The following GAK variants were observed in gnomAD, a reference collection of about 807,000 sequenced individuals.
GAK encodes cyclin-G-associated kinase.
GAK carries 79 observed loss-of-function variants against 143.9 expected under a neutral mutation model. The observed-to-expected ratio is 0.55, with a 90% CI of 0.46 to 0.66. The LOEUF (loss-of-function observed/expected upper bound fraction) is 0.66, where lower values mean the gene tolerates loss of function less well. Among genes scored for constraint, GAK ranks in the 30% least tolerant of loss-of-function variants. The probability of loss-of-function intolerance (pLI) is 0.00; values close to 1 mark genes in which losing one functional copy is unlikely to be tolerated. For synonymous variants in GAK, 881 were observed against 765.5 expected (o/e 1.15, Z -2.49); for missense variants, 1,693 against 1,779.7 (o/e 0.95, Z 0.88).
At chr4:859,070 G>T in intron 24 of GAK, 1 of 705,170 alleles carries the variant, frequency 1.4e-6, no homozygotes, top group Non-Finnish European at 1.7e-6. Flanking sequence ...CATCTTGGGA[G>T]TGAACCCAGA....
chr4:861,633 A>T (rs887213903), intron 23 of GAK, among the ~76,000 whole-genome samples: 7 of 152,238 alleles, frequency 4.6e-5, no homozygotes, highest in Non-Finnish European at 7.3e-5. Context: ...GGCCTCTTGC[A>T]CCAGCAAGCC....
chr4:894,246 G>T, intron 7 of GAK: 1 of 343,162 alleles, frequency 2.9e-6, no homozygotes, highest in Non-Finnish European at 5.0e-6. Context: ...TGACACCCGG[G>T]CCGCGGGGAG....
intron 18 of GAK, among the ~76,000 whole-genome samples, chr4:871,205 A>G (rs1712539786): frequency 6.6e-6 from 1 of 152,236 alleles, no homozygotes; most frequent in Admixed American, 6.5e-5. Context: ...GCAGAGGGGC[A>G]CCGGGCGGGG....
At chr4:906,702 GCCA>G (rs1052422136) in intron 4 of GAK, among the ~76,000 whole-genome samples, 7 of 152,104 alleles carry the variant, frequency 4.6e-5, no homozygotes, top group African/African-American at 1.7e-4. Context: ...CTACAGAGCA[GCCA>G]CCGTCACCCT....
chr4:898,961 T>G (rs1719340318), intron 5 of GAK, among the ~76,000 whole-genome samples: 1 of 152,102 alleles, frequency 6.6e-6, no homozygotes, highest in South Asian at 2.1e-4. Context: ...TAACAGGGCA[T>G]GGGAGCTCGG....
chr4:908,174 C>A (rs1721418421), intron 4 of GAK, among the ~76,000 whole-genome samples: 1 of 152,188 alleles, frequency 6.6e-6, no homozygotes, highest in Non-Finnish European at 1.5e-5. Flanking sequence ...ACATCCATCA[C>A]TAGACCCACA....
At chr4:855,096 T>C (rs1577036546) in intron 24 of GAK, among the ~76,000 whole-genome samples, 1 of 152,306 alleles carries the variant, frequency 6.6e-6, no homozygotes, top group East Asian at 1.9e-4. Flanking sequence ...AAATACACTG[T>C]ACAGTAAGCT....
In GAK at chr4:882,700, G is replaced by A. The variant is rs1442396708; in HGVS notation, c.1524C>T (p.Cys508=). 10 of 1,611,916 alleles carry A rather than the reference G, an allele frequency of 6.2e-6. No homozygotes were observed. Among genetic ancestry groups the A allele is most frequent in the Non-Finnish European group, 7.6e-6 (9 of 1,179,954 alleles). ...AGCCCACGGCCCTCGAGCTCACCAT[G>A]CAGTGCACGACGCAGACGTTCTTGT... ...QDHKNVCVVH[C]MDGRAASAVA... Residue 508 remains cysteine, a synonymous_variant, in exon 14 of 28, where the codon TGC becomes TGT. Transcript: ENST00000314167.
intron 4 of GAK, among the ~76,000 whole-genome samples, chr4:909,922 C>A (rs1478431416): frequency 6.6e-6 from 1 of 152,124 alleles, no homozygotes; most frequent in Non-Finnish European, 1.5e-5. Flanking sequence ...AGCCTGCAGG[C>A]GGCTCTGACC....
intron 24 of GAK, among the ~76,000 whole-genome samples, chr4:854,489 A>G (rs1748780110): frequency 1.3e-5 from 2 of 152,132 alleles, no homozygotes; most frequent in Non-Finnish European, 2.9e-5. Flanking sequence ...GTTTTCACCT[A>G]AAGGCCCTGC....
chr4:880,287 T>C (rs1277887179), intron 15 of GAK, among the ~76,000 whole-genome samples: 3 of 151,902 alleles, frequency 2.0e-5, no homozygotes, highest in African/African-American at 7.3e-5. Context: ...CCACGCACCC[T>C]GCATGAGGGT....
intron 5 of GAK, among the ~76,000 whole-genome samples, chr4:902,354 G>A (rs1010472570): frequency 1.3e-5 from 2 of 151,648 alleles, no homozygotes; most frequent in Non-Finnish European, 2.9e-5. Flanking sequence ...ACCTGGAATC[G>A]ACCCCTTTCA....
intron 1 of GAK, among the ~76,000 whole-genome samples, chr4:914,440 G>A (rs1234625610): frequency 3.6e-4 from 20 of 55,002 alleles, no homozygotes; most frequent in East Asian, 5.8e-4. Flanking sequence ...CAGCGTGCAC[G>A]GCCCCCACAC....
intron 18 of GAK, 40 bp from the exon 19 acceptor site, chr4:870,944 A>T: frequency 6.5e-7 from 1 of 1,544,432 alleles, no homozygotes; most frequent in East Asian, 2.3e-5. Context: ...AGGCCACCCA[A>T]GTAGTCTGTA....
At chr4:860,982 A>G (rs1750177664) in intron 23 of GAK, among the ~76,000 whole-genome samples, 1 of 152,158 alleles carries the variant, frequency 6.6e-6, no homozygotes, top group African/African-American at 2.4e-5. Context: ...AAACTTCTTC[A>G]TGATTGCATC....
intron 9 of GAK, among the ~76,000 whole-genome samples, chr4:892,364 C>T (rs550368193): frequency 7.9e-5 from 12 of 152,308 alleles, no homozygotes; most frequent in Admixed American, 2.0e-4. Context: ...TGACTGGGCC[C>T]TGAGCTGGGA....
intron 4 of GAK, among the ~76,000 whole-genome samples, chr4:908,241 G>A (rs148709653): frequency 2.0e-5 from 3 of 152,136 alleles, no homozygotes; most frequent in Admixed American, 1.3e-4. Flanking sequence ...CAGAGGGTGC[G>A]GCAAGGCTCA....
intron 2 of GAK, among the ~76,000 whole-genome samples, chr4:913,170 C>G (rs921327445): frequency 6.6e-6 from 1 of 152,246 alleles, no homozygotes; most frequent in Non-Finnish European, 1.5e-5. Flanking sequence ...TGGTGCCCAG[C>G]GTGGTGACAG....
In GAK at chr4:859,090, G is replaced by A. The variant is rs974976853; in HGVS notation, c.3283+516C>T. 3.6e-6 allele frequency: 3 copies of A among 841,246 alleles called. No homozygotes were observed. The African/African-American group carries it at 5.5e-5, about 15-fold the overall frequency. 52.1% of individuals were successfully genotyped at this position (841,246 alleles called of 1,614,324 possible). On this transcript the variant is annotated intron_variant, in intron 24 of 27. Transcript: ENST00000314167. ...TGGGAGTGAACCCAGAGACCCAGGGGCATCAGGTCAGCCCAAGGAGACTTG... is the reference window on the plus strand; with the variant it reads ...TGGGAGTGAACCCAGAGACCCAGGGACATCAGGTCAGCCCAAGGAGACTTG...
Sources: allele counts gnomAD v4.1 joint callset (sites outside exome capture counted in the v4.1 genomes callset), GRCh38; gene constraint gnomAD v4.1.1; transcripts MANE v1.5; gene names NCBI Gene and HGNC (gene_info 2026-07-23, HGNC 2026-07-21).